Variants in PAK5 observed in about 807,000 individuals in gnomAD.
The protein encoded by PAK5 is serine/threonine-protein kinase PAK 5.
Under a neutral mutation model 65.9 loss-of-function variants are expected in PAK5, and 16 were observed. The observed-to-expected ratio is 0.24, with a 90% CI of 0.16 to 0.37. The LOEUF is 0.37. Among genes scored for constraint, PAK5 ranks in the 10% least tolerant of loss-of-function variants. PAK5 has a pLI of 1.00. For synonymous variants in PAK5, 371 were observed against 354.9 expected, an observed-to-expected ratio of 1.05 and a Z score of -0.51; for missense variants, 785 against 903.9, an observed-to-expected ratio of 0.87 and a Z score of 1.69.
In PAK5 at chr20:9,645,678, G is replaced by A. The variant is rs148822737; in HGVS notation, c.-11-1339C>T. Among the ~76,000 whole-genome samples, 102 of 151,856 alleles carry A rather than the reference G, an allele frequency of 6.7e-4. 1 individual carries two copies. Among genetic ancestry groups the A allele is most frequent in the Admixed American group, 1.5e-3 (23 of 15,250 alleles). On this transcript the variant is annotated intron_variant, in intron 2 of 9. Transcript: ENST00000353224. ...CAGCTCACTGCAAGCTCTGCCTCCCGGGTTCACACCATTCTCCTGCCTCAG... is the reference window on the plus strand; with the variant it reads ...CAGCTCACTGCAAGCTCTGCCTCCCAGGTTCACACCATTCTCCTGCCTCAG...
chr20:9,567,113 C>T (rs189400627), intron 4 of PAK5, among the ~76,000 whole-genome samples: 8 of 152,232 alleles, frequency 5.3e-5, no homozygotes, highest in Non-Finnish European at 7.4e-5. Flanking sequence ...TCTGGCCACT[C>T]CTGGAATTGC....
intron 3 of PAK5, among the ~76,000 whole-genome samples, chr20:9,593,988 A>G (rs2046220277): frequency 6.6e-6 from 1 of 152,214 alleles, no homozygotes; most frequent in Non-Finnish European, 1.5e-5. Flanking sequence ...ATTCCGCTTC[A>G]TCTGGCAGCT....
chr20:9,757,569 G>GTGAA (rs1166931979), intron 1 of PAK5, among the ~76,000 whole-genome samples: 1 of 152,132 alleles, frequency 6.6e-6, no homozygotes, highest in Non-Finnish European at 1.5e-5. Context: ...AAATACCAGA[G>GTGAA]TTCAGAGGTT....
chr20:9,748,663 G>A (rs530708426), intron 1 of PAK5, among the ~76,000 whole-genome samples: 1 of 152,212 alleles, frequency 6.6e-6, no homozygotes, highest in East Asian at 1.9e-4. Flanking sequence ...ATGGCTCAAT[G>A]AATATTGGCA....
At chr20:9,743,213 T>TA (rs1001219335) in intron 1 of PAK5, among the ~76,000 whole-genome samples, 6 of 151,076 alleles carry the variant, frequency 4.0e-5, no homozygotes, top group Non-Finnish European at 5.9e-5. Context: ...ACGAAAATAA[T>TA]AAAAAAATTA....
At chr20:9,566,463 A>G in intron 4 of PAK5, 79 bp from the exon 5 acceptor site, 5 of 1,365,044 alleles carry the variant, frequency 3.7e-6, no homozygotes, top group Non-Finnish European at 5.1e-6. Context: ...GAGCTGACTG[A>G]CAGCTGGCAG....
At chr20:9,715,216 C>G (rs2048128388) in intron 1 of PAK5, among the ~76,000 whole-genome samples, 1 of 152,050 alleles carries the variant, frequency 6.6e-6, no homozygotes, top group Admixed American at 6.5e-5. Flanking sequence ...ACAAACAACC[C>G]CATCAACAAG....
intron 2 of PAK5, among the ~76,000 whole-genome samples, chr20:9,709,074 G>T (rs2048045639): frequency 6.6e-6 from 1 of 152,112 alleles, no homozygotes; most frequent in African/African-American, 2.4e-5. Flanking sequence ...TGTTAGTCTT[G>T]TTGCTTCAGA....
intron 2 of PAK5, among the ~76,000 whole-genome samples, chr20:9,656,360 G>T (rs1165173683): frequency 6.6e-6 from 1 of 152,040 alleles, no homozygotes; most frequent in African/African-American, 2.4e-5. Context: ...CACAGGGTGA[G>T]ATCAGCAGCA....
chr20:9,679,593 G>C (rs1454256976), intron 2 of PAK5, among the ~76,000 whole-genome samples: 1 of 152,130 alleles, frequency 6.6e-6, no homozygotes, highest in Non-Finnish European at 1.5e-5. Flanking sequence ...AAGAGGTCAA[G>C]GTGAGGTTAT....
intron 3 of PAK5, among the ~76,000 whole-genome samples, chr20:9,608,916 A>G (rs1244066330): frequency 6.6e-6 from 1 of 152,250 alleles, no homozygotes; most frequent in Non-Finnish European, 1.5e-5. Flanking sequence ...ATAAAAGAAG[A>G]GAAAAGGAAA....
chr20:9,743,448 C>T (rs1428194286), intron 1 of PAK5, among the ~76,000 whole-genome samples: 1 of 151,472 alleles, frequency 6.6e-6, no homozygotes, highest in Admixed American at 6.6e-5. Flanking sequence ...AAAAACAACC[C>T]TGAAAAGCCC....
chr20:9,601,315 G>A (rs891407351), intron 3 of PAK5, among the ~76,000 whole-genome samples: 17 of 152,158 alleles, frequency 1.1e-4, no homozygotes, highest in African/African-American at 3.4e-4. Flanking sequence ...AATTGAGGAA[G>A]AGAGTTGCTA....
chr20:9,680,098 G>A (rs2047629551), intron 2 of PAK5, among the ~76,000 whole-genome samples: 1 of 152,198 alleles, frequency 6.6e-6, no homozygotes, highest in African/African-American at 2.4e-5. Flanking sequence ...AATGGATGAT[G>A]AGTTTCAAAT....
At chr20:9,727,604 T>C (rs772864621) in intron 1 of PAK5, among the ~76,000 whole-genome samples, 1 of 152,112 alleles carries the variant, frequency 6.6e-6, no homozygotes, top group African/African-American at 2.4e-5. Context: ...TGTTTATTAA[T>C]TAGAATTCTT....
chr20:9,710,804 T>C (rs981507075), intron 2 of PAK5, among the ~76,000 whole-genome samples: 22 of 152,246 alleles, frequency 1.4e-4, no homozygotes, highest in African/African-American at 4.6e-4. Flanking sequence ...ATCTTCTACA[T>C]CCTGCTTCTC....
intron 3 of PAK5, among the ~76,000 whole-genome samples, chr20:9,590,009 A>G (rs370040173): frequency 6.6e-6 from 1 of 151,642 alleles, no homozygotes; most frequent in Non-Finnish European, 1.5e-5. Context: ...TTTTTTGAAG[A>G]CAAGGTCTTG....
intron 3 of PAK5, among the ~76,000 whole-genome samples, chr20:9,594,754 T>C (rs1259718793): frequency 6.6e-6 from 1 of 152,212 alleles, no homozygotes; most frequent in Non-Finnish European, 1.5e-5. Flanking sequence ...TTTGCTGGTG[T>C]GTTTTCCCAG....
At chr20:9,679,715 G>A (rs567948552) in intron 2 of PAK5, among the ~76,000 whole-genome samples, 16 of 152,168 alleles carry the variant, frequency 1.1e-4, no homozygotes, top group African/African-American at 3.1e-4. Flanking sequence ...AGAATAATAC[G>A]GTGCTCTCAT....
Sources: gnomAD v4.1 joint callset for allele counts (sites outside exome capture counted in the v4.1 genomes callset) on GRCh38, gnomAD v4.1.1 for gene constraint, MANE v1.5 for transcripts, NCBI Gene and HGNC (gene_info 2026-07-23, HGNC 2026-07-21) for gene names.